The following AFG2A variants were observed in gnomAD, a reference collection of about 807,000 sequenced individuals.
AFG2A encodes ATPase family gene 2 protein homolog A.
the AFG2A span, among the ~76,000 whole-genome samples, chr4:123,278,328 T>A: frequency 6.6e-6 from 1 of 152,276 alleles, no homozygotes; most frequent in Middle Eastern, 3.4e-3. Flanking sequence ...CATTTCTAAT[T>A]GTGTTTATTT....
At chr4:123,107,831 C>T in the AFG2A span, among the ~76,000 whole-genome samples, 1 of 152,244 alleles carries the variant, frequency 6.6e-6, no homozygotes, top group African/African-American at 2.4e-5. Flanking sequence ...TCTCCCTGAG[C>T]ACAGGCACAC....
At chr4:123,110,718 A>G in the AFG2A span, among the ~76,000 whole-genome samples, 1 of 152,186 alleles carries the variant, frequency 6.6e-6, no homozygotes, top group Non-Finnish European at 1.5e-5. Context: ...CTTTATGTAC[A>G]TAATCTGTAA....
chr4:123,067,826 A>T, the AFG2A span, among the ~76,000 whole-genome samples: 1 of 152,188 alleles, frequency 6.6e-6, no homozygotes, highest in Admixed American at 6.5e-5. Context: ...TAGTAAATGT[A>T]GTCTCTGTTA....
chr4:122,991,593 A>G, the AFG2A span, among the ~76,000 whole-genome samples: 2 of 152,220 alleles, frequency 1.3e-5, no homozygotes, highest in African/African-American at 4.8e-5. Context: ...AAGCTAAAGG[A>G]TGCATATACT....
chr4:122,971,798 A>T, the AFG2A span, among the ~76,000 whole-genome samples: 1 of 152,150 alleles, frequency 6.6e-6, no homozygotes, highest in Non-Finnish European at 1.5e-5. Context: ...TGAACTCTTT[A>T]TTCTATTAAT....
chr4:123,198,695 T>C, the AFG2A span, among the ~76,000 whole-genome samples: 1 of 152,204 alleles, frequency 6.6e-6, no homozygotes, highest in Admixed American at 6.5e-5. Context: ...AAGTTCCCAA[T>C]GATTAGGACC....
chr4:123,083,891 A>G, the AFG2A span, among the ~76,000 whole-genome samples: 9 of 152,058 alleles, frequency 5.9e-5, no homozygotes, highest in Non-Finnish European at 1.2e-4. Flanking sequence ...GAACTGGTGT[A>G]ATTTTTTCCT....
chr4:123,023,038 G>A, the AFG2A span, among the ~76,000 whole-genome samples: 1 of 148,836 alleles, frequency 6.7e-6, no homozygotes, highest in Non-Finnish European at 1.5e-5. Flanking sequence ...ACTGTTGTGG[G>A]GTTGGGGGAG....
the AFG2A span, among the ~76,000 whole-genome samples, chr4:123,067,052 C>T: frequency 6.6e-6 from 1 of 151,860 alleles, no homozygotes; most frequent in Non-Finnish European, 1.5e-5. Flanking sequence ...ATGTGTAGGA[C>T]ACATAGATTT....
chr4:122,929,177 G>A, the AFG2A span: 75 of 1,600,838 alleles, frequency 4.7e-5, no homozygotes, highest in Middle Eastern at 1.7e-4. Flanking sequence ...TACAGGCTGA[G>A]GAAATGGATG....
chr4:123,270,174 G>A, the AFG2A span, among the ~76,000 whole-genome samples: 1 of 152,162 alleles, frequency 6.6e-6, no homozygotes, highest in Non-Finnish European at 1.5e-5. Context: ...AAAACTAAGA[G>A]ATAGGGCTAA....
At chr4:123,161,544 T>C in the AFG2A span, among the ~76,000 whole-genome samples, 4 of 152,190 alleles carry the variant, frequency 2.6e-5, no homozygotes, top group Admixed American at 2.6e-4. Context: ...GGAATGTATT[T>C]GAAGGATGGT....
chr4:123,240,722 A>G, the AFG2A span, among the ~76,000 whole-genome samples: 24 of 152,224 alleles, frequency 1.6e-4, no homozygotes, highest in African/African-American at 5.5e-4. Context: ...AATTAAAAGA[A>G]CTAGAGAAGA....
chr4:123,068,895 T>C, the AFG2A span, among the ~76,000 whole-genome samples: 3 of 152,200 alleles, frequency 2.0e-5, no homozygotes, highest in Non-Finnish European at 4.4e-5. Flanking sequence ...TTTTATCTCC[T>C]GCATTAATGT....
At chr4:123,041,277 ATTT>A in the AFG2A span, among the ~76,000 whole-genome samples, 1 of 118,156 alleles carries the variant, frequency 8.5e-6, no homozygotes, top group African/African-American at 3.1e-5. Context: ...CGCCCAGCTA[ATTT>A]TTTTTTTTTT....
At chr4:123,111,738 A>C in the AFG2A span, among the ~76,000 whole-genome samples, 7,203 of 149,976 alleles carry the variant, frequency 0.048, 347 homozygotes, top group African/African-American at 0.13. Context: ...TCTTCTTATT[A>C]TTATTATTAT....
chr4:123,037,833 A>T, the AFG2A span, among the ~76,000 whole-genome samples: 26 of 152,068 alleles, frequency 1.7e-4, no homozygotes, highest in Non-Finnish European at 3.4e-4. Context: ...TTAACGGGAC[A>T]TTTCATTTCT....
the AFG2A span, among the ~76,000 whole-genome samples, chr4:123,293,628 A>G: frequency 1.3e-5 from 2 of 152,182 alleles, no homozygotes; most frequent in Non-Finnish European, 2.9e-5. Flanking sequence ...CCCACAACCT[A>G]TGTGCACGAA....
the AFG2A span, among the ~76,000 whole-genome samples, chr4:123,071,344 G>A: frequency 6.6e-6 from 1 of 152,174 alleles, no homozygotes; most frequent in Non-Finnish European, 1.5e-5. Context: ...GCCGGGCGTG[G>A]TGGCGCATGC....
Sources: gnomAD v4.1 joint callset for allele counts (sites outside exome capture counted in the v4.1 genomes callset) on GRCh38, gnomAD v4.1.1 for gene constraint, MANE v1.5 for transcripts, NCBI Gene and HGNC (gene_info 2026-07-23, HGNC 2026-07-21) for gene names.